Variants in KCNAB1 observed in about 807,000 individuals in gnomAD.
The protein encoded by KCNAB1 is voltage-gated potassium channel subunit beta-1.
KCNAB1 carries 35 observed loss-of-function variants against 64.6 expected under a neutral mutation model. The observed-to-expected ratio is 0.54, with a 90% CI of 0.41 to 0.72. The LOEUF (loss-of-function observed/expected upper bound fraction) is 0.72, where lower values mean the gene tolerates loss of function less well. Ranked by LOEUF, KCNAB1 falls within the 30% of genes least tolerant of loss-of-function variation. The pLI, the probability that KCNAB1 is intolerant of heterozygous loss-of-function variation, is 0.00. For synonymous variants in KCNAB1, 177 were observed against 183.8 expected, an observed-to-expected ratio of 0.96 and a Z score of 0.30; for missense variants, 401 against 512.9, an observed-to-expected ratio of 0.78 and a Z score of 2.11.
intron 2 of KCNAB1, among the ~76,000 whole-genome samples, chr3:156,436,748 C>T (rs1376977541): frequency 6.6e-6 from 1 of 152,168 alleles, no homozygotes. Flanking sequence ...CCTTTGCCCA[C>T]TTTTTAATGG....
chr3:156,376,650 A>T (rs1711697553), intron 1 of KCNAB1, among the ~76,000 whole-genome samples: 1 of 152,218 alleles, frequency 6.6e-6, no homozygotes, highest in South Asian at 2.1e-4. Flanking sequence ...AGGGTAAAAA[A>T]GAGGTAAGCC....
At chr3:156,436,962 G>GT (rs1336411829) in intron 2 of KCNAB1, among the ~76,000 whole-genome samples, 1 of 152,090 alleles carries the variant, frequency 6.6e-6, no homozygotes, top group Admixed American at 6.5e-5. Context: ...TGCTTTTGAT[G>GT]TTTTTGTCAG....
rs145805982 is a variant in KCNAB1 at position 156,176,857 on chromosome 3, G to C, written c.275+55971G>C. On this transcript the variant is annotated intron_variant, in intron 1 of 13. Coordinates refer to ENST00000490337, the MANE Select transcript of KCNAB1 (RefSeq NM_172160.3). The stretch of plus-strand genomic sequence containing the variant: ...CCCAACAGCAACTCATGCCGCTGCC[G>C]CTTGACTGGGACCAGCGGTAACTCT... 842 of 1,114,518 alleles carry C rather than the reference G, an allele frequency of 7.6e-4. 6 individuals carry two copies. In the East Asian group the frequency reaches 0.019, roughly 25 times the overall value. 69.0% of individuals were successfully genotyped at this position (1,114,518 alleles called of 1,614,324 possible).
At chr3:156,337,892 C>G (rs183383515) in intron 1 of KCNAB1, among the ~76,000 whole-genome samples, 1 of 152,306 alleles carries the variant, frequency 6.6e-6, no homozygotes, top group East Asian at 1.9e-4. Context: ...TATGCCGTGT[C>G]ACATTCAAGT....
intron 11 of KCNAB1, among the ~76,000 whole-genome samples, chr3:156,519,009 C>G (rs906437600): frequency 5.9e-5 from 9 of 152,130 alleles, no homozygotes; most frequent in African/African-American, 2.2e-4. Flanking sequence ...AGACTGCCTC[C>G]TTTCCTTCCT....
chr3:156,194,506 T>G (rs1713768030), intron 1 of KCNAB1, among the ~76,000 whole-genome samples: 2 of 152,134 alleles, frequency 1.3e-5, no homozygotes, highest in African/African-American at 4.8e-5. Flanking sequence ...AACATTTTCT[T>G]TTTGGCACTT....
At chr3:156,364,360 T>C (rs900746923) in intron 1 of KCNAB1, among the ~76,000 whole-genome samples, 1 of 152,226 alleles carries the variant, frequency 6.6e-6, no homozygotes, top group Non-Finnish European at 1.5e-5. Flanking sequence ...AGACCTCAGC[T>C]AAGCATGAAA....
chr3:156,488,242 A>G (rs375433806), intron 8 of KCNAB1, among the ~76,000 whole-genome samples: 1 of 152,100 alleles, frequency 6.6e-6, no homozygotes, highest in Admixed American at 6.5e-5. Flanking sequence ...ATAAGAAACA[A>G]TAATATAACA....
intron 1 of KCNAB1, among the ~76,000 whole-genome samples, chr3:156,197,541 T>A (rs1359675060): frequency 2.0e-5 from 3 of 152,130 alleles, no homozygotes; most frequent in Non-Finnish European, 4.4e-5. Flanking sequence ...CTTGGGAGGG[T>A]GTATATATCC....
At chr3:156,322,205 G>A (rs578252846) in intron 1 of KCNAB1, among the ~76,000 whole-genome samples, 6 of 152,310 alleles carry the variant, frequency 3.9e-5, no homozygotes, top group South Asian at 2.1e-4. Flanking sequence ...TTAGATGAAG[G>A]AAACCACCAA....
chr3:156,228,110 G>T lies in KCNAB1; in HGVS notation c.275+107224G>T, dbSNP rs557937089. Among the ~76,000 whole-genome samples the T allele has an allele frequency of 2.6e-5, 4 of 152,080 alleles. No homozygotes were observed. The South Asian group carries it at 8.3e-4, about 32-fold the overall frequency. On this transcript the variant is annotated intron_variant, in intron 1 of 13. Transcript: ENST00000490337. ...GCACAATAATTTATTGTACCAAATTGGTTCAATTCCATTCCTCTGTTCATT... is the reference window on the plus strand; with the variant it reads ...GCACAATAATTTATTGTACCAAATTTGTTCAATTCCATTCCTCTGTTCATT...
chr3:156,388,678 A>G (rs893926138), intron 1 of KCNAB1, among the ~76,000 whole-genome samples: 7 of 152,228 alleles, frequency 4.6e-5, no homozygotes, highest in Non-Finnish European at 8.8e-5. Context: ...GGCCATGGAA[A>G]TAATTATGCT....
At chr3:156,235,067 T>C (rs1716770601) in intron 1 of KCNAB1, among the ~76,000 whole-genome samples, 1 of 152,218 alleles carries the variant, frequency 6.6e-6, no homozygotes, top group East Asian at 1.9e-4. Flanking sequence ...GCTAGCTAAG[T>C]GTTTCACTCT....
intron 4 of KCNAB1, among the ~76,000 whole-genome samples, 181 bp downstream of exon 4, chr3:156,457,713 C>T (rs1175003378): frequency 6.6e-6 from 1 of 152,146 alleles, no homozygotes; most frequent in Non-Finnish European, 1.5e-5. Flanking sequence ...CTCTGGCACT[C>T]TCTGCTCACC....
intron 8 of KCNAB1, among the ~76,000 whole-genome samples, chr3:156,501,517 T>C (rs762454930): frequency 5.5e-5 from 8 of 146,086 alleles, no homozygotes; most frequent in Non-Finnish European, 1.2e-4. Flanking sequence ...CTGCAACCTC[T>C]GCCTGCGAGG....
At chr3:156,275,765 T>G (rs1352970845) in intron 1 of KCNAB1, among the ~76,000 whole-genome samples, 1 of 152,210 alleles carries the variant, frequency 6.6e-6, no homozygotes. Context: ...CTGTTACATC[T>G]TCTGCCTCCA....
chr3:156,161,709 G>A (rs554153063), intron 1 of KCNAB1, among the ~76,000 whole-genome samples: 1 of 152,266 alleles, frequency 6.6e-6, no homozygotes, highest in Non-Finnish European at 1.5e-5. Context: ...GTCCACATAA[G>A]CAAAGTATTG....
In KCNAB1 at chr3:156,248,640, T is replaced by C. The variant is rs114761649; in HGVS notation, c.275+127754T>C. Among the ~76,000 whole-genome samples the C allele has an allele frequency of 7.7e-3, 1,173 of 152,280 alleles. 14 individuals are homozygous for C. The highest frequency in any genetic ancestry group is 0.027 in the African/African-American group (1,120 of 41,536). ...CCTAATTCAATATAATCTCATTGCA[T>C]ATAAATGACAATGGAGGCCCATGGA... is the stretch of plus-strand genomic sequence containing the variant. On this transcript the variant is annotated intron_variant, in intron 1 of 13. Transcript: ENST00000490337.
chr3:156,134,444 G>A (rs1262996530), intron 1 of KCNAB1, among the ~76,000 whole-genome samples: 1 of 152,184 alleles, frequency 6.6e-6, no homozygotes, highest in Non-Finnish European at 1.5e-5. Flanking sequence ...TTATGACCAA[G>A]AAAGAATACA....
Sources: allele counts gnomAD v4.1 joint callset (sites outside exome capture counted in the v4.1 genomes callset), GRCh38; gene constraint gnomAD v4.1.1; transcripts MANE v1.5; gene names NCBI Gene and HGNC (gene_info 2026-07-23, HGNC 2026-07-21).